Variants in TOM1L2 observed in about 807,000 individuals in gnomAD.
TOM1L2 encodes TOM1-like protein 2.
TOM1L2 carries 31 observed loss-of-function variants against 67.9 expected under a neutral mutation model. The ratio of observed to expected loss-of-function variants is 0.46; its 90% CI spans 0.34 to 0.62. The LOEUF is 0.62. Among genes scored for constraint, TOM1L2 ranks in the 20% least tolerant of loss-of-function variants. The probability of loss-of-function intolerance (pLI) is 0.01; values close to 1 mark genes in which losing one functional copy is unlikely to be tolerated. For missense variants in TOM1L2, 606 were observed against 663.5 expected, an observed-to-expected ratio of 0.91 and a Z score of 0.95; for synonymous variants, 256 against 254.0, an observed-to-expected ratio of 1.01 and a Z score of -0.07.
intron 1 of TOM1L2, among the ~76,000 whole-genome samples, chr17:17,935,865 A>G (rs1299156939): frequency 1.3e-5 from 2 of 152,230 alleles, no homozygotes; most frequent in African/African-American, 4.8e-5. Flanking sequence ...CTATCAATTT[A>G]GCAAATTCTG....
chr17:17,952,105 G>A (rs1598398573), intron 1 of TOM1L2, among the ~76,000 whole-genome samples: 1 of 152,188 alleles, frequency 6.6e-6, no homozygotes, highest in Non-Finnish European at 1.5e-5. Flanking sequence ...CCAGGAGGAG[G>A]ATGGCTATAT....
chr17:17,960,900 T>C (rs927499451), intron 1 of TOM1L2, among the ~76,000 whole-genome samples: 8 of 152,294 alleles, frequency 5.3e-5, no homozygotes, highest in South Asian at 2.1e-4. Context: ...GATAAGGGCA[T>C]GACACGGAAG....
intron 7 of TOM1L2, 157 bp from the exon 8 acceptor site, chr17:17,869,630 C>A: frequency 7.1e-7 from 1 of 1,401,816 alleles, no homozygotes; most frequent in Non-Finnish European, 9.2e-7. Flanking sequence ...TAGAAGTTCC[C>A]TCTTCACTGC....
At position 17,884,657 on chromosome 17, in the gene TOM1L2, A is replaced by C; in HGVS notation, c.478T>G (p.Ser160Ala). The C allele has an allele frequency of 6.2e-7, 1 of 1,614,062 alleles. No homozygotes were observed. ...ACCCGCTGTGGTGTGTGTATGGGAG[A>C]CAGAGCGTCCAAGTCTGCCATGGGA... ...EFPMADLDAL[S>A]PIHTPQRSVP... Residue 160 changes from serine (S) to alanine (A), a missense_variant, in exon 5 of 15, where the codon TCT becomes GCT. Ser to Ala is a moderately conservative substitution (Grantham distance 99, BLOSUM62 1). Around this residue, in one of 2 missense-constraint regions of TOM1L2, gnomAD observed 543 missense variants for 554.0 expected, o/e 0.98. Transcript: ENST00000379504.
chr17:17,850,289 A>C (rs1262766331), intron 13 of TOM1L2, among the ~76,000 whole-genome samples: 5 of 152,160 alleles, frequency 3.3e-5, no homozygotes. Flanking sequence ...ACATGCAGCC[A>C]CTGCAGCTCT....
At chr17:17,888,735 T>A (rs2038118530) in intron 4 of TOM1L2, among the ~76,000 whole-genome samples, 1 of 152,220 alleles carries the variant, frequency 6.6e-6, no homozygotes, top group South Asian at 2.1e-4. Flanking sequence ...TGGAGAGGCA[T>A]GACCACACTG....
chr17:17,940,999 C>T (rs955096682), intron 1 of TOM1L2, among the ~76,000 whole-genome samples: 8 of 152,186 alleles, frequency 5.3e-5, no homozygotes, highest in Non-Finnish European at 8.8e-5. Flanking sequence ...CAATCTTCTG[C>T]TAAAATCTGT....
intron 1 of TOM1L2, among the ~76,000 whole-genome samples, chr17:17,913,086 CT>C (rs2039466673): frequency 6.6e-6 from 1 of 151,706 alleles, no homozygotes; most frequent in Non-Finnish European, 1.5e-5. Context: ...ACTCGGCAGG[CT>C]GAGGCAGGAG....
At chr17:17,848,138 C>T (rs1487519778) in intron 14 of TOM1L2, among the ~76,000 whole-genome samples, 1 of 152,184 alleles carries the variant, frequency 6.6e-6, no homozygotes, top group East Asian at 1.9e-4. Flanking sequence ...AACCATCCCA[C>T]CTACCCCACC....
At chr17:17,865,623 C>T (rs1477064858) in intron 10 of TOM1L2, among the ~76,000 whole-genome samples, 1 of 152,022 alleles carries the variant, frequency 6.6e-6, no homozygotes, top group Non-Finnish European at 1.5e-5. Flanking sequence ...AAGTGATCCA[C>T]CCACCTCAGC....
chr17:17,884,742 A>G lies in TOM1L2; in HGVS notation c.393T>C (p.Ser131=), dbSNP rs762370551. 1.9e-6 allele frequency: 3 copies of G among 1,613,688 alleles called. No homozygotes were observed. The highest frequency in any genetic ancestry group is 2.5e-6 in the Non-Finnish European group (3 of 1,180,016). ...IQAWADAFRS[S]PDLTGVVHIY... ...TGTGCACAACGCCGGTGAGATCAGG[A>G]CTGCTTCGAAAGGCATCAGCCCATG... The change falls in exon 5 of 15, where the codon AGT becomes AGC. Residue 131 remains serine (S), a synonymous_variant. Coordinates refer to ENST00000379504, the MANE Select transcript of TOM1L2 (RefSeq NM_001082968.2).
chr17:17,878,976 G>A (rs539200508), intron 7 of TOM1L2, among the ~76,000 whole-genome samples: 2 of 152,314 alleles, frequency 1.3e-5, no homozygotes, highest in South Asian at 4.1e-4. Flanking sequence ...TAGACTGCAG[G>A]CCGCCCACTC....
intron 1 of TOM1L2, among the ~76,000 whole-genome samples, chr17:17,946,338 T>C (rs763303387): frequency 2.6e-5 from 4 of 152,130 alleles, no homozygotes; most frequent in Non-Finnish European, 5.9e-5. Flanking sequence ...ATCCTAAAAA[T>C]AAATCCTGTA....
chr17:17,865,384 ATATT>A (rs1427143782), intron 10 of TOM1L2, among the ~76,000 whole-genome samples: 5 of 152,032 alleles, frequency 3.3e-5, no homozygotes, highest in East Asian at 3.9e-4. Context: ...GACCTAGTTA[ATATT>A]TATTTATTTT....
Position 17,942,787 on chromosome 17 carries a change from G to C in TOM1L2, c.52+29475C>G, listed in dbSNP as rs187740982. On this transcript the variant is annotated intron_variant, in intron 1 of 14. Transcript: ENST00000379504. ...TCAGCACGGTAGTTAGTATAGAAAAGGAAGCAGTCAGAATTCCAGGAAAGG... is the reference window on the plus strand; with the variant it reads ...TCAGCACGGTAGTTAGTATAGAAAACGAAGCAGTCAGAATTCCAGGAAAGG... Among the ~76,000 whole-genome samples the C allele has an allele frequency of 3.0e-3, 453 of 152,262 alleles. 3 individuals are homozygous for C. The highest frequency in any genetic ancestry group is 5.4e-3 in the Non-Finnish European group (370 of 68,022).
chr17:17,883,689 G>A (rs560213598), intron 5 of TOM1L2, among the ~76,000 whole-genome samples: 16 of 152,168 alleles, frequency 1.1e-4, no homozygotes, highest in Non-Finnish European at 2.1e-4. Context: ...AGCCAAGATT[G>A]TGCCAGTGCA....
At chr17:17,927,079 A>T (rs2040121005) in intron 1 of TOM1L2, among the ~76,000 whole-genome samples, 1 of 152,164 alleles carries the variant, frequency 6.6e-6, no homozygotes, top group Non-Finnish European at 1.5e-5. Flanking sequence ...GAAACATGCA[A>T]ATAAGATCAA....
intron 4 of TOM1L2, among the ~76,000 whole-genome samples, chr17:17,888,092 GC>G (rs2144138509): frequency 6.6e-6 from 1 of 152,300 alleles, no homozygotes; most frequent in South Asian, 2.1e-4. Flanking sequence ...GGGGGAGGCT[GC>G]CCCCTCTTAA....
intron 1 of TOM1L2, among the ~76,000 whole-genome samples, chr17:17,940,444 A>C (rs1282672939): frequency 6.6e-6 from 1 of 152,068 alleles, no homozygotes; most frequent in Non-Finnish European, 1.5e-5. Context: ...ATGAGGGAGA[A>C]TTTGAATTTC....
Sources: gnomAD v4.1 joint callset for allele counts (sites outside exome capture counted in the v4.1 genomes callset) on GRCh38, gnomAD v4.1.1 for gene constraint, gnomAD v4.1.1 regional missense constraint, MANE v1.5 for transcripts, NCBI Gene and HGNC (gene_info 2026-07-23, HGNC 2026-07-21) for gene names.